Variants in PLXNC1 observed in about 807,000 individuals in gnomAD.
The protein encoded by PLXNC1 is plexin-C1.
Under a neutral mutation model 178.2 loss-of-function variants are expected in PLXNC1, and 75 were observed. The ratio of observed to expected loss-of-function variants is 0.42; its 90% CI spans 0.35 to 0.51. The LOEUF is 0.51. Among genes scored for constraint, PLXNC1 ranks in the 20% least tolerant of loss-of-function variants. PLXNC1 has a pLI of 0.02. For synonymous variants in PLXNC1, 790 were observed against 779.9 expected, an observed-to-expected ratio of 1.01 and a Z score of -0.22; for missense variants, 1,503 against 1,984.4, an observed-to-expected ratio of 0.76 and a Z score of 4.61.
chr12:94,264,987 C>T, intron 20 of PLXNC1, 92 bp from the exon 21 acceptor site: 1 of 1,287,392 alleles, frequency 7.8e-7, no homozygotes, highest in South Asian at 1.4e-5. Flanking sequence ...ACCCTGTCTC[C>T]TGCCTTACTG....
At chr12:94,214,753 A>T (rs1963594772) in intron 5 of PLXNC1, among the ~76,000 whole-genome samples, 1 of 152,248 alleles carries the variant, frequency 6.6e-6, no homozygotes, top group Non-Finnish European at 1.5e-5. Context: ...CTTAAAGAGC[A>T]AGGTACATAT....
chr12:94,254,996 T>C (rs1269210880), intron 16 of PLXNC1, 108 bp downstream of exon 16: 9 of 1,028,558 alleles, frequency 8.8e-6, no homozygotes, highest in East Asian at 2.6e-5. Flanking sequence ...GTTTGTATAA[T>C]AGAAGGCAAC....
At chr12:94,286,295 A>T (rs1221326547) in intron 23 of PLXNC1, among the ~76,000 whole-genome samples, 2 of 152,160 alleles carry the variant, frequency 1.3e-5, no homozygotes, top group African/African-American at 4.8e-5. Flanking sequence ...GAGAGCCTGA[A>T]GGAAACGGGA....
At chr12:94,270,137 G>A (rs112594781) in intron 21 of PLXNC1, among the ~76,000 whole-genome samples, 2 of 152,186 alleles carry the variant, frequency 1.3e-5, no homozygotes, top group African/African-American at 2.4e-5. Flanking sequence ...AAGTCATGGC[G>A]GAGATAGAAA....
rs1962812364 is a variant in PLXNC1, at chr12:94,193,800, T to A, written c.1439+7327T>A. 2.0e-5 allele frequency among the ~76,000 whole-genome samples: 3 copies of A among 151,906 alleles called. No homozygotes were observed. The South Asian group carries it at 6.2e-4, about 32-fold the overall frequency. ...GCTGGGGTGACCAGATGGACAGAGGTGTCGGTTACTGAGTAGGGAGTGTAG... is the reference window on the plus strand; with the variant it reads ...GCTGGGGTGACCAGATGGACAGAGGAGTCGGTTACTGAGTAGGGAGTGTAG... On this transcript the variant is annotated intron_variant, in intron 4 of 30. Transcript: ENST00000258526.
chr12:94,258,739 G>C (rs1170687373), intron 17 of PLXNC1, among the ~76,000 whole-genome samples: 1 of 152,204 alleles, frequency 6.6e-6, no homozygotes, highest in Non-Finnish European at 1.5e-5. Flanking sequence ...CTCTGAGGTG[G>C]GAACCATTAC....
intron 12 of PLXNC1, among the ~76,000 whole-genome samples, chr12:94,246,091 G>A (rs1313204680): frequency 2.6e-5 from 4 of 152,214 alleles, no homozygotes; most frequent in East Asian, 1.9e-4. Context: ...GGGAAACCAC[G>A]AGAAAAGAAG....
chr12:94,178,197 G>A (rs910993057), intron 2 of PLXNC1, among the ~76,000 whole-genome samples: 1 of 152,156 alleles, frequency 6.6e-6, no homozygotes, highest in Non-Finnish European at 1.5e-5. Flanking sequence ...TTGCCCTATA[G>A]AATGTCTCTT....
chr12:94,303,281 C>T (rs951138775), intron 28 of PLXNC1, among the ~76,000 whole-genome samples: 2 of 152,140 alleles, frequency 1.3e-5, no homozygotes, highest in African/African-American at 4.8e-5. Context: ...GCTGGAAAAT[C>T]TGCCTCTGCC....
intron 9 of PLXNC1, among the ~76,000 whole-genome samples, chr12:94,229,667 T>C (rs1964037485): frequency 6.6e-6 from 1 of 152,208 alleles, no homozygotes; most frequent in South Asian, 2.1e-4. Flanking sequence ...CTTTCCCCCA[T>C]TGAATGGTCT....
intron 21 of PLXNC1, among the ~76,000 whole-genome samples, chr12:94,272,860 T>A (rs1433975466): frequency 4.6e-5 from 7 of 152,180 alleles, no homozygotes; most frequent in Non-Finnish European, 1.0e-4. Context: ...CAAGCTGGGG[T>A]GAGGAGGTCA....
chr12:94,246,583 C>T (rs1247777456), intron 12 of PLXNC1, among the ~76,000 whole-genome samples: 2 of 152,136 alleles, frequency 1.3e-5, no homozygotes, highest in African/African-American at 2.4e-5. Context: ...AATCGCATGG[C>T]GCGAGTTTGT....
intron 28 of PLXNC1, among the ~76,000 whole-genome samples, chr12:94,301,269 C>A (rs1032583062): frequency 1.3e-5 from 2 of 152,178 alleles, no homozygotes. Context: ...ATTAGCCCCA[C>A]CCAACTGCAG....
At chr12:94,276,600 G>A (rs1295794796) in intron 21 of PLXNC1, among the ~76,000 whole-genome samples, 1 of 152,226 alleles carries the variant, frequency 6.6e-6, no homozygotes, top group Non-Finnish European at 1.5e-5. Flanking sequence ...TGTTCCTGGA[G>A]CAAGTTACTC....
chr12:94,189,883 C>T (rs370914013), intron 4 of PLXNC1, among the ~76,000 whole-genome samples: 61 of 152,134 alleles, frequency 4.0e-4, no homozygotes, highest in African/African-American at 1.3e-3. Context: ...GTGTGGAAAT[C>T]GCAGTCACCA....
chr12:94,192,235 G>A (rs138676209), intron 4 of PLXNC1, among the ~76,000 whole-genome samples: 83 of 152,224 alleles, frequency 5.5e-4, no homozygotes, highest in South Asian at 2.5e-3. Context: ...GAGAGAAATC[G>A]GATGCCATTC....
chr12:94,307,283 T>C lies in PLXNC1; in HGVS notation c.*1998T>C, dbSNP rs1489006308. ...CTACCTCACTGAGGTGGTATGAAGA[T>C]TCACTAATGTATGTAGCGTGTTTGT... is the stretch of plus-strand genomic sequence containing the variant. On this transcript the variant is annotated 3_prime_UTR_variant, in exon 31 of 31. Coordinates refer to ENST00000258526, the MANE Select transcript of PLXNC1 (RefSeq NM_005761.3). The C allele has an allele frequency of 2.0e-5, 3 of 152,172 alleles. No homozygotes were observed. Among genetic ancestry groups the C allele is most frequent in the African/African-American group, 7.2e-5 (3 of 41,444 alleles). The allele number at this position is 152,172 out of a possible 1,614,324, so 9.4% of individuals were successfully genotyped here.
chr12:94,271,047 T>A (rs889261328), intron 21 of PLXNC1, among the ~76,000 whole-genome samples: 59 of 152,244 alleles, frequency 3.9e-4, no homozygotes, highest in African/African-American at 1.3e-3. Flanking sequence ...ATGCTGCTTC[T>A]ACGGAACTTC....
chr12:94,200,442 C>T (rs957611012), intron 4 of PLXNC1, among the ~76,000 whole-genome samples: 1 of 152,024 alleles, frequency 6.6e-6, no homozygotes, highest in Non-Finnish European at 1.5e-5. Flanking sequence ...TTGTTTTTTG[C>T]TTTTTAAACA....
Sources: gnomAD v4.1 joint callset for allele counts (sites outside exome capture counted in the v4.1 genomes callset) on GRCh38, gnomAD v4.1.1 for gene constraint, MANE v1.5 for transcripts, NCBI Gene and HGNC (gene_info 2026-07-23, HGNC 2026-07-21) for gene names.